The following ROPN1 variants were observed in gnomAD, a reference collection of about 807,000 sequenced individuals.
ROPN1 encodes the protein rhophilin associated tail protein 1, also known as ropporin-1A.
A neutral mutation model predicts 20.5 loss-of-function variants in ROPN1; 14 were observed. The observed-to-expected ratio is 0.68, with a 90% CI of 0.45 to 1.07. ROPN1 has a LOEUF of 1.07. Ranked by LOEUF, ROPN1 falls within the 50% of genes least tolerant of loss-of-function variation. The probability of loss-of-function intolerance (pLI) is 0.00; values close to 1 mark genes in which losing one functional copy is unlikely to be tolerated. For synonymous variants in ROPN1, 76 were observed against 95.7 expected, an observed-to-expected ratio of 0.79 and a Z score of 1.20; for missense variants, 169 against 242.8, an observed-to-expected ratio of 0.70 and a Z score of 2.02.
intron 2 of ROPN1, among the ~76,000 whole-genome samples, chr3:123,977,486 A>G (rs2038048733): frequency 6.6e-6 from 1 of 152,110 alleles, no homozygotes; most frequent in African/African-American, 2.4e-5. Context: ...GCTGCAGTGA[A>G]CTATAATTGT....
At chr3:123,971,139 C>T (rs2037909336) in intron 4 of ROPN1, among the ~76,000 whole-genome samples, 1 of 152,080 alleles carries the variant, frequency 6.6e-6, no homozygotes, top group African/African-American at 2.4e-5. Context: ...TGTATCTTCC[C>T]ACATGATTAG....
intron 1 of ROPN1, among the ~76,000 whole-genome samples, chr3:123,987,985 T>C (rs112661059): frequency 1.6e-4 from 24 of 152,340 alleles, no homozygotes; most frequent in African/African-American, 5.8e-4. Flanking sequence ...GACTGGCATG[T>C]AAACTATGTC....
chr3:123,979,147 G>A, intron 2 of ROPN1: 1 of 215,856 alleles, frequency 4.6e-6, no homozygotes, highest in South Asian at 6.7e-5. Flanking sequence ...CCCCATTTAT[G>A]TTTCTTTTTA....
intron 4 of ROPN1, among the ~76,000 whole-genome samples, chr3:123,972,310 A>C (rs762749570): frequency 9.2e-5 from 14 of 152,246 alleles, no homozygotes; most frequent in Admixed American, 2.6e-4. Context: ...TATTTGGTAA[A>C]CTGACATAAA....
At chr3:123,969,744 A>G (rs1463029733) in intron 5 of ROPN1, among the ~76,000 whole-genome samples, 1 of 152,178 alleles carries the variant, frequency 6.6e-6, no homozygotes, top group Non-Finnish European at 1.5e-5. Flanking sequence ...CTGGCCCTAG[A>G]GTTTATGATT....
intron 4 of ROPN1, 71 bp from the exon 5 acceptor site, chr3:123,970,288 A>G: frequency 6.5e-6 from 9 of 1,391,460 alleles, no homozygotes; most frequent in Non-Finnish European, 9.0e-6. Flanking sequence ...GTTTAGATAC[A>G]AGAAAGAAAA....
At chr3:123,972,862 T>C (rs2037943637) in intron 4 of ROPN1, among the ~76,000 whole-genome samples, 1 of 152,238 alleles carries the variant, frequency 6.6e-6, no homozygotes, top group African/African-American at 2.4e-5. Context: ...TAGTCTCAGC[T>C]ATAATAAAAT....
chr3:123,974,821 A>G (rs1305525999), intron 4 of ROPN1: 1 of 165,034 alleles, frequency 6.1e-6, no homozygotes, highest in Non-Finnish European at 1.3e-5. Context: ...TGCATTTCCA[A>G]TATCAAACAA....
chr3:123,970,981 C>G (rs1344639126), intron 4 of ROPN1, among the ~76,000 whole-genome samples: 1 of 152,130 alleles, frequency 6.6e-6, no homozygotes, highest in Non-Finnish European at 1.5e-5. Context: ...ATAAATGTTA[C>G]AAGCAAAAGA....
intron 1 of ROPN1, 71 bp downstream of exon 1, chr3:123,991,851 C>A (rs1370535344): frequency 6.6e-6 from 1 of 151,846 alleles, no homozygotes; most frequent in African/African-American, 2.4e-5. Context: ...CAGGGCTCCT[C>A]CCTCAGACCA....
At chr3:123,969,394 C>T (rs1031389319) in intron 5 of ROPN1, among the ~76,000 whole-genome samples, 173 bp from the exon 6 acceptor site, 2 of 152,102 alleles carry the variant, frequency 1.3e-5, no homozygotes, top group African/African-American at 4.8e-5. Context: ...GCTGGAGTAA[C>T]TGGTGCAATC....
intron 1 of ROPN1, chr3:123,991,158 T>C (rs1305464179): frequency 2.0e-5 from 3 of 149,672 alleles, no homozygotes; most frequent in African/African-American, 7.4e-5. Flanking sequence ...CCATTGTACA[T>C]ACCCTTCCAG....
intron 1 of ROPN1, among the ~76,000 whole-genome samples, chr3:123,982,309 G>A (rs1046195705): frequency 6.6e-6 from 1 of 152,122 alleles, no homozygotes; most frequent in African/African-American, 2.4e-5. Context: ...ACATCACCAT[G>A]GAGGAGTCTC....
Position 123,980,417 on chromosome 3 carries a change from GC to G in ROPN1, c.64del (p.Ala22ProfsTer31). ...CGGCTGCACCCTAATGGCGGCTTTG[GC>G]AAACTCCTTCAGCATCTTCGGCAGC... ...PELPKMLKEFAKAAIRVQPQD... is the reference protein window; with the variant it reads ...PELPKMLKEFXKAAIRVQPQD... On this transcript the variant is annotated frameshift_variant, in exon 2 of 6. Transcript: ENST00000405845. LOFTEE classifies it high-confidence loss of function. 6.2e-7 allele frequency: 1 copy of G among 1,614,154 alleles called. No homozygotes were observed. The highest frequency in any genetic ancestry group is 8.5e-7 in the Non-Finnish European group (1 of 1,180,022).
chr3:123,969,268 C>T, intron 5 of ROPN1, 47 bp from the exon 6 acceptor site: 1 of 1,410,394 alleles, frequency 7.1e-7, no homozygotes, highest in Non-Finnish European at 1.0e-6. Flanking sequence ...GACAGTTAAT[C>T]TTAAGAAAGA....
chr3:123,981,527 A>G (rs2038147004), intron 1 of ROPN1: 1 of 153,800 alleles, frequency 6.5e-6, no homozygotes, highest in African/African-American at 2.4e-5. Context: ...CCCAGGGACT[A>G]CACCCTCAGC....
chr3:123,991,217 C>T (rs931972133), intron 1 of ROPN1: 35 of 137,276 alleles, frequency 2.5e-4, no homozygotes, highest in African/African-American at 9.7e-4. Context: ...ACATGTGTCT[C>T]CCCCAGCAAA....
At chr3:123,974,470 T>C (rs1374763810) in intron 4 of ROPN1, 1 of 152,230 alleles carries the variant, frequency 6.6e-6, no homozygotes, top group East Asian at 1.9e-4. Context: ...GGGGAATCTA[T>C]AGGAAATTTG....
intron 1 of ROPN1, among the ~76,000 whole-genome samples, chr3:123,988,151 AT>A (rs34660154): frequency 0.13 from 18,930 of 143,368 alleles, 1,342 homozygotes; most frequent in East Asian, 0.38. Flanking sequence ...TCCTTCCTAC[AT>A]TTTTTTTTTT....
Sources: allele counts gnomAD v4.1 joint callset (sites outside exome capture counted in the v4.1 genomes callset), GRCh38; gene constraint gnomAD v4.1.1; transcripts MANE v1.5; gene names NCBI Gene and HGNC (gene_info 2026-07-23, HGNC 2026-07-21).